The following CCSER1 variants were observed in gnomAD, a reference collection of about 807,000 sequenced individuals.
The protein encoded by CCSER1 is coiled-coil serine rich protein 1.
CCSER1 carries 41 observed loss-of-function variants against 82.0 expected under a neutral mutation model. The ratio of observed to expected loss-of-function variants is 0.50; its 90% CI spans 0.39 to 0.65. The LOEUF is 0.65. Among genes scored for constraint, CCSER1 ranks in the 30% least tolerant of loss-of-function variants. CCSER1 has a pLI of 0.00. For synonymous variants in CCSER1, 414 were observed against 383.9 expected, an observed-to-expected ratio of 1.08 and a Z score of -0.92; for missense variants, 1,119 against 1,064.2, an observed-to-expected ratio of 1.05 and a Z score of -0.72.
At chr4:90,937,380 A>T (rs766826542) in intron 9 of CCSER1, among the ~76,000 whole-genome samples, 2 of 152,032 alleles carry the variant, frequency 1.3e-5, no homozygotes, top group Non-Finnish European at 2.9e-5. Flanking sequence ...TGGTCTTGTC[A>T]TGTTACACAT....
chr4:90,229,674 G>A (rs927319715), intron 1 of CCSER1, among the ~76,000 whole-genome samples: 20 of 152,104 alleles, frequency 1.3e-4, no homozygotes, highest in African/African-American at 4.6e-4. Flanking sequence ...ACACAGACTG[G>A]CAAATTGGAT....
intron 3 of CCSER1, among the ~76,000 whole-genome samples, chr4:90,392,516 C>G (rs28458229): frequency 0.032 from 4,870 of 152,132 alleles, 116 homozygotes; most frequent in Non-Finnish European, 0.049. Flanking sequence ...CTTTCAGAAT[C>G]TCATTTTGCT....
At chr4:90,987,790 T>C (rs1274223310) in intron 9 of CCSER1, among the ~76,000 whole-genome samples, 2 of 151,714 alleles carry the variant, frequency 1.3e-5, no homozygotes. Context: ...ACCTCTACTG[T>C]TCATTGTACC....
chr4:90,973,987 C>T (rs1329179726), intron 9 of CCSER1, among the ~76,000 whole-genome samples: 1 of 151,482 alleles, frequency 6.6e-6, no homozygotes, highest in Non-Finnish European at 1.5e-5. Flanking sequence ...CATGATCTCA[C>T]TCATATGGAA....
chr4:90,199,350 A>G (rs1737212091), intron 1 of CCSER1, among the ~76,000 whole-genome samples: 1 of 152,174 alleles, frequency 6.6e-6, no homozygotes, highest in Non-Finnish European at 1.5e-5. Context: ...TTTTCTCTAA[A>G]TGAAGAACAT....
At chr4:91,416,318 C>T (rs941169244) in intron 10 of CCSER1, among the ~76,000 whole-genome samples, 11 of 151,900 alleles carry the variant, frequency 7.2e-5, no homozygotes, top group Admixed American at 1.3e-4. Context: ...ATTAAACTAC[C>T]ATTGACATTC....
chr4:90,141,026 A>ATCTATCTG (rs1208328650), intron 1 of CCSER1, among the ~76,000 whole-genome samples: 2 of 151,090 alleles, frequency 1.3e-5, no homozygotes, highest in African/African-American at 4.9e-5. Context: ...CAAGATATCT[A>ATCTATCTG]TCTATCTATC....
At chr4:91,450,722 G>C (rs1407871848) in intron 10 of CCSER1, among the ~76,000 whole-genome samples, 1 of 151,974 alleles carries the variant, frequency 6.6e-6, no homozygotes, top group Non-Finnish European at 1.5e-5. Context: ...AATTGCACAA[G>C]AGAGCTCAGA....
At chr4:90,491,985 T>G (rs1224265819) in intron 5 of CCSER1, among the ~76,000 whole-genome samples, 2 of 152,114 alleles carry the variant, frequency 1.3e-5, no homozygotes, top group Non-Finnish European at 2.9e-5. Context: ...TCTCTTTTTT[T>G]GTTGTGTCTC....
chr4:91,376,856 C>T (rs540553170), intron 10 of CCSER1, among the ~76,000 whole-genome samples: 74 of 151,956 alleles, frequency 4.9e-4, no homozygotes, highest in Non-Finnish European at 9.9e-4. Context: ...GTGCTGCACC[C>T]ATTAACTCAT....
At chr4:90,271,856 ATATATATTTTTTTTTTTT>A (rs1187802703) in intron 1 of CCSER1, among the ~76,000 whole-genome samples, 128 of 26,018 alleles carry the variant, frequency 4.9e-3, no homozygotes, top group African/African-American at 0.039. Flanking sequence ...ATATATATAT[ATATATATTTTTTTTTTTT>A]TTTTTTTTTT....
At chr4:91,167,411 C>T (rs976070547) in intron 10 of CCSER1, among the ~76,000 whole-genome samples, 2 of 151,938 alleles carry the variant, frequency 1.3e-5, no homozygotes, top group Admixed American at 6.6e-5. Flanking sequence ...GTCTTGAACT[C>T]CTGACCTAGT....
chr4:91,409,717 C>T (rs751443665), intron 10 of CCSER1, among the ~76,000 whole-genome samples: 2 of 152,080 alleles, frequency 1.3e-5, no homozygotes, highest in Admixed American at 6.5e-5. Flanking sequence ...TGCAGAGTCT[C>T]GCTGGGTCAC....
chr4:91,266,680 A>T (rs536049578), intron 10 of CCSER1, among the ~76,000 whole-genome samples: 5 of 152,270 alleles, frequency 3.3e-5, no homozygotes, highest in African/African-American at 1.2e-4. Context: ...ATGGATTTCC[A>T]CTTATTTTAA....
At chr4:91,488,010 A>ATGAT (rs1341295177) in intron 10 of CCSER1, among the ~76,000 whole-genome samples, 6 of 152,212 alleles carry the variant, frequency 3.9e-5, no homozygotes, top group Middle Eastern at 6.8e-3. Flanking sequence ...ATCATTTGAA[A>ATGAT]TGATTGTGAT....
At chr4:91,259,787 C>T (rs1463119306) in intron 10 of CCSER1, among the ~76,000 whole-genome samples, 4 of 152,154 alleles carry the variant, frequency 2.6e-5, no homozygotes, top group East Asian at 3.9e-4. Flanking sequence ...TTTTTATGGC[C>T]GCATAGCATT....
At chr4:91,431,625 G>A (rs112588676) in intron 10 of CCSER1, among the ~76,000 whole-genome samples, 2 of 151,648 alleles carry the variant, frequency 1.3e-5, no homozygotes, top group African/African-American at 4.8e-5. Flanking sequence ...GCACCACCAC[G>A]CCAGGCTAAT....
chr4:91,012,667 A>C (rs112064847), intron 9 of CCSER1, among the ~76,000 whole-genome samples: 34 of 152,262 alleles, frequency 2.2e-4, no homozygotes, highest in African/African-American at 7.9e-4. Flanking sequence ...AAGGCCATAC[A>C]CTGCTACAAC....
At chr4:90,776,308 A>G (rs1266411746) in intron 7 of CCSER1, among the ~76,000 whole-genome samples, 1 of 152,290 alleles carries the variant, frequency 6.6e-6, no homozygotes, top group East Asian at 1.9e-4. Flanking sequence ...GACAAGGGAG[A>G]TGTGTTGCTG....
Sources: gnomAD v4.1 joint callset for allele counts (sites outside exome capture counted in the v4.1 genomes callset) on GRCh38, gnomAD v4.1.1 for gene constraint, MANE v1.5 for transcripts, NCBI Gene and HGNC (gene_info 2026-07-23, HGNC 2026-07-21) for gene names.